Variants in ACAP3 observed in about 807,000 individuals in gnomAD.
The protein encoded by ACAP3 is arf-GAP with coiled-coil, ANK repeat and PH domain-containing protein 3.
In ACAP3, 56 loss-of-function variants were observed where a neutral mutation model predicts 104.1. The ratio of observed to expected loss-of-function variants is 0.54; its 90% CI spans 0.43 to 0.67. The LOEUF (loss-of-function observed/expected upper bound fraction) is 0.67, where lower values mean the gene tolerates loss of function less well. Ranked by LOEUF, ACAP3 falls within the 30% of genes least tolerant of loss-of-function variation. ACAP3 has a pLI of 0.00. For missense variants in ACAP3, 1,208 were observed against 1,174.9 expected, an observed-to-expected ratio of 1.03 and a Z score of -0.41; for synonymous variants, 628 against 496.2, an observed-to-expected ratio of 1.27 and a Z score of -3.53.
In ACAP3 at chr1:1,296,122, A is replaced by G. The variant is rs372530591; in HGVS notation, c.1408-13T>C. The stretch of plus-strand genomic sequence containing the variant: ...GCTCACACATCAGCTAGCGGGAGAC[A>G]GGGCGAGCAGGCATCAGTGCGAACC... On this transcript the variant is annotated splice_polypyrimidine_tract_variant and intron_variant, in intron 16 of 23. Transcript: ENST00000354700. 120 of 1,612,518 alleles carry G rather than the reference A, an allele frequency of 7.4e-5. No homozygotes were observed. In the African/African-American group the frequency reaches 1.2e-3, roughly 16 times the overall value.
intron 9 of ACAP3, chr1:1,299,595 T>A: frequency 1.4e-6 from 1 of 705,704 alleles, no homozygotes; most frequent in Non-Finnish European, 2.3e-6. Context: ...AGCCAGTGAC[T>A]GAGGCCACAG....
Position 1,303,367 on chromosome 1 carries a change from C to T in ACAP3, c.106-86G>A. On this transcript the variant is annotated intron_variant, in intron 2 of 23. Transcript: ENST00000354700. The surrounding 1 kb of genome is among the most constrained non-coding windows in gnomAD (Gnocchi z 4.0). ...CACGGCCACTCAGAGGCAGGAAGAG[C>T]TCCCAGGGTAGGTTCCACTCAGGGC... 2.0e-6 allele frequency: 3 copies of T among 1,513,304 alleles called. No homozygotes were observed. Among genetic ancestry groups the T allele is most frequent in the Non-Finnish European group, 2.7e-6 (3 of 1,127,082 alleles). 93.7% of individuals were successfully genotyped at this position (1,513,304 alleles called of 1,614,324 possible).
At chr1:1,305,830 G>A (rs993733601) in intron 1 of ACAP3, 3 of 152,162 alleles carry the variant, frequency 2.0e-5, no homozygotes, top group Non-Finnish European at 4.4e-5. Context: ...CCTGGCCTCC[G>A]GCCCACTGCA....
chr1:1,294,248 C>T (rs1329745319), intron 21 of ACAP3, 49 bp from the exon 22 acceptor site: 1 of 1,536,270 alleles, frequency 6.5e-7, no homozygotes, highest in Non-Finnish European at 8.8e-7. Flanking sequence ...GGCCCCTCTC[C>T]GCGCCTCTGC....
chr1:1,295,579 G>A (rs1180468170), intron 18 of ACAP3, 25 bp from the exon 19 acceptor site: 4 of 1,607,206 alleles, frequency 2.5e-6, no homozygotes, highest in African/African-American at 2.7e-5. Context: ...CGTGTTCAGA[G>A]TGTGGAACAG....
Position 1,302,955 on chromosome 1 carries a change from A to G in ACAP3, c.246T>C (p.Ala82=), listed in dbSNP as rs753114455. ...AGTTCACCACCTCCTGTAGGCTGTCAGCGAACCTCTGCAGACATTCCTGGA... is the reference window on the plus strand; with the variant it reads ...AGTTCACCACCTCCTGTAGGCTGTCGGCGAACCTCTGCAGACATTCCTGGA... ...TVISECLQRF[A]DSLQEVVNYH... The change falls in exon 4 of 24, where the codon GCT becomes GCC. Residue 82 remains alanine, a synonymous_variant. Transcript: ENST00000354700. The G allele has an allele frequency of 2.1e-5, 34 of 1,611,374 alleles. No homozygotes were observed. The highest frequency in any genetic ancestry group is 2.8e-5 in the Non-Finnish European group (33 of 1,179,356).
chr1:1,297,194 C>CGT (rs57737934), intron 14 of ACAP3, among the ~76,000 whole-genome samples: 15 of 125,266 alleles, frequency 1.2e-4, no homozygotes, highest in African/African-American at 3.3e-4. Context: ...CCCAGTGGCA[C>CGT]GTGTGTGTGT....
chr1:1,304,017 A>G, intron 2 of ACAP3, 69 bp downstream of exon 2: 1 of 1,539,932 alleles, frequency 6.5e-7, no homozygotes, highest in Non-Finnish European at 8.8e-7. Context: ...TAAGGCCTGG[A>G]GGGCGAGTCT....
At position 1,294,800 on chromosome 1, in the gene ACAP3, A is replaced by G; in HGVS notation, c.1830T>C (p.Ser610=). 6.5e-7 allele frequency: 1 copy of G among 1,549,844 alleles called. No individual in the cohort carries two copies. Among genetic ancestry groups the G allele is most frequent in the Non-Finnish European group, 8.7e-7 (1 of 1,146,704 alleles). ...GAGPRSLSSD[S]GLGGSSDGSS... is the part of the protein sequence containing the mutation. The stretch of plus-strand genomic sequence containing the variant: ...TGCCATCCGAGCTGCCCCCAAGGCC[A>G]CTGTCGCTACTCAGACCTGCAGGTC... The change falls in exon 20 of 24, where the codon AGT becomes AGC. Residue 610 remains serine (S), a synonymous_variant. Coordinates refer to ENST00000354700, the MANE Select transcript of ACAP3 (RefSeq NM_030649.3).
chr1:1,303,640 C>A lies in ACAP3; in HGVS notation c.106-359G>T. On this transcript the variant is annotated intron_variant, in intron 2 of 23. Transcript: ENST00000354700. The surrounding 1 kb of genome is among the most constrained non-coding windows in gnomAD (Gnocchi z 4.0). ...CCTCTTTCTCAGCCCATGTGGGGCTCATGGACACGGCTCCCCTCTCCACGG... is the reference window on the plus strand; with the variant it reads ...CCTCTTTCTCAGCCCATGTGGGGCTAATGGACACGGCTCCCCTCTCCACGG... 1 of 422,864 alleles carries A rather than the reference C, an allele frequency of 2.4e-6. No homozygotes were observed. 26.2% of individuals were successfully genotyped at this position (422,864 alleles called of 1,614,324 possible).
chr1:1,306,893 G>C (rs780486659), intron 1 of ACAP3, among the ~76,000 whole-genome samples: 3 of 152,184 alleles, frequency 2.0e-5, no homozygotes, highest in African/African-American at 7.2e-5. Context: ...GTGTGCACAC[G>C]CTTGCGTGCA....
chr1:1,293,559 C>T lies in ACAP3; in HGVS notation c.*5G>A. On this transcript the variant is annotated 3_prime_UTR_variant, in exon 24 of 24. Coordinates refer to ENST00000354700, the MANE Select transcript of ACAP3 (RefSeq NM_030649.3). ...CGGGGTGGCAGCTGCCCGGCCTGCCCGGCCCTAGCTCTCTTCCAGGTGGAG... is the reference window on the plus strand; with the variant it reads ...CGGGGTGGCAGCTGCCCGGCCTGCCTGGCCCTAGCTCTCTTCCAGGTGGAG... The T allele has an allele frequency of 1.4e-6, 2 of 1,474,770 alleles. No individual in the cohort carries two copies. The highest frequency in any genetic ancestry group is 8.9e-7 in the Non-Finnish European group (1 of 1,118,094). 91.4% of individuals were successfully genotyped at this position (1,474,770 alleles called of 1,614,324 possible). A position where few individuals can be genotyped will look rare whatever the true frequency, so the allele number is the denominator to read the frequency against.
intron 1 of ACAP3, among the ~76,000 whole-genome samples, chr1:1,306,741 CCA>C (rs762940133): frequency 6.6e-6 from 1 of 152,230 alleles, no homozygotes; most frequent in African/African-American, 2.4e-5. Context: ...CACACTGGTA[CCA>C]CACATACATG....
At chr1:1,298,470 C>A in intron 11 of ACAP3, 49 bp from the exon 12 acceptor site, 1 of 1,590,986 alleles carries the variant, frequency 6.3e-7, no homozygotes, top group Non-Finnish European at 8.6e-7. Flanking sequence ...CATCCCAGGG[C>A]TGCTGTGACC....
intron 5 of ACAP3, chr1:1,301,329 G>A (rs1271631273): frequency 6.9e-6 from 1 of 145,894 alleles, no homozygotes; most frequent in African/African-American, 2.6e-5. Flanking sequence ...GCACAATCAT[G>A]GCTCACTGCT....
chr1:1,299,605 G>A (rs1293075134), intron 9 of ACAP3: 1 of 707,944 alleles, frequency 1.4e-6, no homozygotes, highest in Non-Finnish European at 2.3e-6. Context: ...TGAGGCCACA[G>A]AGGTGACCAC....
rs146109769 is a variant in ACAP3 at position 1,297,908 on chromosome 1, C to G, written c.1042G>C (p.Glu348Gln). Residue 348 changes from glutamate (E) to glutamine (Q), a missense_variant, in exon 14 of 24, where the codon GAG (glutamate) becomes CAG (glutamine). By Grantham distance (29) the Glu-to-Gln change is conservative (BLOSUM62 2). Transcript: ENST00000354700. ...TKSCMLQADSEKLRQAWVQAV... is the reference protein window; with the variant it reads ...TKSCMLQADSQKLRQAWVQAV... ...TGGACCCAGGCTTGCCGCAGCTTCT[C>G]GGAGTCAGCCTGCAGCATGCAGCTC... 22 of 1,611,914 alleles carry G rather than the reference C, an allele frequency of 1.4e-5. No homozygotes were observed. The highest frequency in any genetic ancestry group is 1.8e-5 in the Non-Finnish European group (21 of 1,179,526).
Position 1,293,219 on chromosome 1 carries a change from C to T in ACAP3, c.*345G>A, listed in dbSNP as rs1640917799. 1 of 177,522 alleles carries T rather than the reference C, an allele frequency of 5.6e-6. No homozygotes were observed. Among genetic ancestry groups the T allele is most frequent in the Non-Finnish European group, 1.2e-5 (1 of 85,848 alleles). The allele number at this position is 177,522 out of a possible 1,614,324, so 11.0% of individuals were successfully genotyped here. On this transcript the variant is annotated 3_prime_UTR_variant, in exon 24 of 24. Transcript: ENST00000354700. ...GAAGTGGGGCACGAAGTAACACAGG[C>T]CCTGAGGACACAGGGACACAGGTGA...
chr1:1,299,800 G>A (rs539257306), intron 9 of ACAP3, 31 bp downstream of exon 9: 7 of 1,535,750 alleles, frequency 4.6e-6, no homozygotes, highest in Non-Finnish European at 6.1e-6. Context: ...CCAGGCGCCT[G>A]GTGTGCAGGG....
Sources: allele counts gnomAD v4.1 joint callset (sites outside exome capture counted in the v4.1 genomes callset), GRCh38; gene constraint gnomAD v4.1.1; non-coding constraint Gnocchi (gnomAD v3.1); transcripts MANE v1.5; gene names NCBI Gene and HGNC (gene_info 2026-07-23, HGNC 2026-07-21).